Variants in OPTN observed in about 807,000 individuals in gnomAD.
OPTN encodes E3-14.7K-interacting protein.
OPTN carries 54 observed loss-of-function variants against 70.4 expected under a neutral mutation model. The observed-to-expected ratio is 0.77, with a 90% CI of 0.62 to 0.96. OPTN has a LOEUF of 0.96. Ranked by LOEUF, OPTN falls within the 40% of genes least tolerant of loss-of-function variation. The pLI, the probability that OPTN is intolerant of heterozygous loss-of-function variation, is 0.00. For missense variants in OPTN, 624 were observed against 673.2 expected (o/e 0.93, Z 0.81); for synonymous variants, 256 against 248.5 (o/e 1.03, Z -0.28).
chr10:13,136,373 T>G (rs535295043), intron 14 of OPTN, among the ~76,000 whole-genome samples: 2 of 151,934 alleles, frequency 1.3e-5, no homozygotes, highest in East Asian at 3.9e-4. Flanking sequence ...CTGGGCGTGG[T>G]GGCGCGCACC....
chr10:13,128,995 G>A (rs1055370909), intron 12 of OPTN, among the ~76,000 whole-genome samples: 5 of 152,064 alleles, frequency 3.3e-5, no homozygotes, highest in Non-Finnish European at 7.4e-5. Context: ...TCTCATTTAT[G>A]ATTAGTACTT....
intron 6 of OPTN, among the ~76,000 whole-genome samples, chr10:13,117,173 C>CG (rs1158525193): frequency 6.7e-6 from 1 of 149,460 alleles, no homozygotes; most frequent in Non-Finnish European, 1.5e-5. Flanking sequence ...CTCCGCCTCC[C>CG]GGGTTCACGC....
intron 14 of OPTN, 86 bp from the exon 15 acceptor site, chr10:13,136,659 G>A: frequency 1.3e-6 from 2 of 1,553,202 alleles, no homozygotes; most frequent in Non-Finnish European, 1.8e-6. Flanking sequence ...TTGAACTGAT[G>A]TTAAAACTCG....
At chr10:13,123,908 A>AAT (rs1833404748) in intron 8 of OPTN, 87 bp from the exon 9 acceptor site, 1 of 906,468 alleles carries the variant, frequency 1.1e-6, no homozygotes, top group African/African-American at 1.6e-5. Flanking sequence ...ATTGGCTACT[A>AAT]ATGGTTCAGC....
intron 5 of OPTN, 149 bp downstream of exon 5, chr10:13,112,784 A>G (rs1461553792): frequency 5.4e-6 from 4 of 735,320 alleles, no homozygotes; most frequent in African/African-American, 1.8e-5. Flanking sequence ...TTTTCTAAGT[A>G]TAGCATAATG....
At position 13,136,966 on chromosome 10, in the gene OPTN, C is replaced by T. The variant is rs566242224; in HGVS notation, c.*100C>T. The T allele has an allele frequency of 6.6e-7, 1 of 1,506,888 alleles. No individual in the cohort carries two copies. The highest frequency in any genetic ancestry group is 1.1e-5 in the South Asian group (1 of 88,608). 93.3% of individuals were successfully genotyped at this position (1,506,888 alleles called of 1,614,324 possible). A position where few individuals can be genotyped will look rare whatever the true frequency, so the allele number is the denominator to read the frequency against. The stretch of plus-strand genomic sequence containing the variant: ...ATTTGTTTTCACTCAAATATTTTGC[C>T]TCATTATTCTTGTTTTAAAAGAAAG... On this transcript the variant is annotated 3_prime_UTR_variant, in exon 15 of 15. Coordinates refer to ENST00000378747, the MANE Select transcript of OPTN (RefSeq NM_001008212.2).
At chr10:13,127,720 T>C (rs761500127) in intron 11 of OPTN, 25 bp from the exon 12 acceptor site, 10 of 1,612,450 alleles carry the variant, frequency 6.2e-6, no homozygotes, top group Non-Finnish European at 8.5e-6. Context: ...CAAAACCATT[T>C]CTAGAATAAA....
At chr10:13,104,351 C>T (rs572028215) in intron 1 of OPTN, among the ~76,000 whole-genome samples, 3 of 148,076 alleles carry the variant, frequency 2.0e-5, no homozygotes, top group Non-Finnish European at 4.4e-5. Context: ...CCTCTGCCTC[C>T]CAGGTTCAAG....
chr10:13,113,962 G>C (rs1027661998), intron 5 of OPTN, among the ~76,000 whole-genome samples: 25 of 152,134 alleles, frequency 1.6e-4, no homozygotes, highest in African/African-American at 6.0e-4. Flanking sequence ...CTACTCAGGA[G>C]GCTGAGGCAG....
At chr10:13,103,287 T>C (rs779237777) in intron 1 of OPTN, among the ~76,000 whole-genome samples, 1 of 152,212 alleles carries the variant, frequency 6.6e-6, no homozygotes, top group Non-Finnish European at 1.5e-5. Flanking sequence ...TAGCCAACTC[T>C]TGTCTCTGGT....
intron 5 of OPTN, among the ~76,000 whole-genome samples, chr10:13,114,127 T>C (rs148564641): frequency 2.2e-4 from 33 of 151,680 alleles, no homozygotes; most frequent in Non-Finnish European, 4.3e-4. Context: ...AAATGTACAT[T>C]GTAGATAAGT....
rs1220600976 is a variant in OPTN at position 13,128,956 on chromosome 10, AG to A, written c.1401+1054del. Among the ~76,000 whole-genome samples, 4 of 152,112 alleles carry A rather than the reference AG, an allele frequency of 2.6e-5. No individual in the cohort carries two copies. The East Asian group carries it at 7.7e-4, about 29-fold the overall frequency. ...TGTCATTTGAGGAACAAAAGTTCTTAGTTTTAAGGTAGTCCAGTATATCAGC... is the reference window on the plus strand; with the variant it reads ...TGTCATTTGAGGAACAAAAGTTCTTATTTTAAGGTAGTCCAGTATATCAGC... On this transcript the variant is annotated intron_variant, in intron 12 of 14. Coordinates refer to ENST00000378747, the MANE Select transcript of OPTN (RefSeq NM_001008212.2).
At chr10:13,114,806 A>AAT (rs1564358813) in intron 5 of OPTN, among the ~76,000 whole-genome samples, 670 of 19,688 alleles carry the variant, frequency 0.034, 59 homozygotes, top group African/African-American at 0.056. Flanking sequence ...ATATATACAT[A>AAT]TATATAATTA....
intron 6 of OPTN, chr10:13,116,661 C>T (rs1339934052): frequency 1.7e-5 from 7 of 401,000 alleles, no homozygotes; most frequent in Non-Finnish European, 2.8e-5. Context: ...CATGTTTGCT[C>T]ATTGGTTCCC....
At chr10:13,129,928 T>G (rs984149858) in intron 12 of OPTN, among the ~76,000 whole-genome samples, 1 of 152,220 alleles carries the variant, frequency 6.6e-6, no homozygotes, top group Non-Finnish European at 1.5e-5. Flanking sequence ...TACTTATAGC[T>G]TTAGTTTTAT....
chr10:13,116,722 T>C (rs1833217387), intron 6 of OPTN, among the ~76,000 whole-genome samples: 1 of 152,152 alleles, frequency 6.6e-6, no homozygotes. Flanking sequence ...AGTGAAATAT[T>C]TTCATTTTCT....
At chr10:13,117,584 T>A (rs1321797531) in intron 6 of OPTN, among the ~76,000 whole-genome samples, 1 of 151,458 alleles carries the variant, frequency 6.6e-6, no homozygotes, top group Non-Finnish European at 1.5e-5. Context: ...TAGCTGGGAA[T>A]ACAGGTGGCC....
chr10:13,104,455 A>G lies in OPTN; in HGVS notation c.-163-3683A>G, dbSNP rs561060872. 1.8e-5 allele frequency: 4 copies of G among 216,818 alleles called. No individual in the cohort carries two copies. The South Asian group carries it at 3.1e-4, about 17-fold the overall frequency. 13.4% of individuals were successfully genotyped at this position (216,818 alleles called of 1,614,324 possible). ...TTTTTTTTTTTTTTTTACTATTACAAAATTTATTTAACAAAAAGTCTAATA... is the reference window on the plus strand; with the variant it reads ...TTTTTTTTTTTTTTTTACTATTACAGAATTTATTTAACAAAAAGTCTAATA... On this transcript the variant is annotated intron_variant, in intron 1 of 14. Transcript: ENST00000378747.
At chr10:13,122,686 G>A (rs1246244449) in intron 8 of OPTN, among the ~76,000 whole-genome samples, 199 bp downstream of exon 8, 6 of 152,024 alleles carry the variant, frequency 3.9e-5, no homozygotes, top group Non-Finnish European at 8.8e-5. Flanking sequence ...CTTTTTTGTT[G>A]TTGTTGTTGG....
Sources: gnomAD v4.1 joint callset for allele counts (sites outside exome capture counted in the v4.1 genomes callset) on GRCh38, gnomAD v4.1.1 for gene constraint, MANE v1.5 for transcripts, NCBI Gene and HGNC (gene_info 2026-07-23, HGNC 2026-07-21) for gene names.